The following ATXN10 variants were observed in gnomAD, a reference collection of about 807,000 sequenced individuals.
The protein encoded by ATXN10 is ataxin-10.
In ATXN10, 28 loss-of-function variants were observed where a neutral mutation model predicts 52.9. The ratio of observed to expected loss-of-function variants is 0.53; its 90% CI spans 0.39 to 0.73. The LOEUF (loss-of-function observed/expected upper bound fraction) is 0.73, where lower values mean the gene tolerates loss of function less well. ATXN10 is among the 30% of genes least tolerant of loss of function. ATXN10 has a pLI of 0.00. For synonymous variants in ATXN10, 226 were observed against 221.5 expected (o/e 1.02, Z -0.18); for missense variants, 565 against 577.0 (o/e 0.98, Z 0.21).
In ATXN10 at chr22:45,772,314, A is replaced by G. The variant is rs988809040; in HGVS notation, c.1173+31776A>G. On this transcript the variant is annotated intron_variant, in intron 9 of 11. Coordinates refer to ENST00000252934, the MANE Select transcript of ATXN10 (RefSeq NM_013236.4). The surrounding 1 kb of genome is among the most constrained non-coding windows in gnomAD (Gnocchi z 4.1). ...ATGGATGATGAATTATTCTAGCAGC[A>G]TTTGTTAAAAAGACTATCCTTTTTT... 6.6e-6 allele frequency among the ~76,000 whole-genome samples: 1 copy of G among 152,166 alleles called. No homozygotes were observed. Among genetic ancestry groups the G allele is most frequent in the Non-Finnish European group, 1.5e-5 (1 of 68,018 alleles).
chr22:45,820,640 G>A lies in ATXN10; in HGVS notation c.1237+13618G>A, dbSNP rs1311493888. ...AAAAATAAAGCTAACTTTTAGATGTGCTCACCTTTTCAACTCTTACCATTC... is the reference window on the plus strand; with the variant it reads ...AAAAATAAAGCTAACTTTTAGATGTACTCACCTTTTCAACTCTTACCATTC... On this transcript the variant is annotated intron_variant, in intron 10 of 11. Transcript: ENST00000252934. The surrounding 1 kb of genome is among the most constrained non-coding windows in gnomAD (Gnocchi z 4.9). Among the ~76,000 whole-genome samples, 1 of 152,178 alleles carries A rather than the reference G, an allele frequency of 6.6e-6. No homozygotes were observed. The highest frequency in any genetic ancestry group is 1.5e-5 in the Non-Finnish European group (1 of 68,030).
intron 6 of ATXN10, among the ~76,000 whole-genome samples, chr22:45,721,535 A>C (rs1033510722): frequency 6.6e-5 from 10 of 152,314 alleles, no homozygotes; most frequent in African/African-American, 2.4e-4. Context: ...ATACCACCTC[A>C]GTACCTCTGT....
chr22:45,806,203 G>T (rs192540913), intron 9 of ATXN10, among the ~76,000 whole-genome samples: 2 of 152,280 alleles, frequency 1.3e-5, no homozygotes, highest in East Asian at 3.9e-4. Context: ...CTGTTTCCTT[G>T]TGGCCTTACC....
intron 10 of ATXN10, among the ~76,000 whole-genome samples, chr22:45,839,162 C>T (rs1929264597): frequency 6.6e-6 from 1 of 152,176 alleles, no homozygotes; most frequent in South Asian, 2.1e-4. Flanking sequence ...ATTTCTGATT[C>T]TCAAGGCCGT....
At chr22:45,836,610 C>G (rs981338085) in intron 10 of ATXN10, among the ~76,000 whole-genome samples, 1 of 152,166 alleles carries the variant, frequency 6.6e-6, no homozygotes. Context: ...AATGAGGACT[C>G]CCCCCTGGGG....
chr22:45,832,587 C>G (rs910208436), intron 10 of ATXN10, among the ~76,000 whole-genome samples: 14 of 152,244 alleles, frequency 9.2e-5, no homozygotes, highest in Non-Finnish European at 5.9e-5. Flanking sequence ...AGGGACTGGA[C>G]TATCCTGTTA....
At chr22:45,689,440 T>C in intron 1 of ATXN10, 1 of 476,246 alleles carries the variant, frequency 2.1e-6, no homozygotes, top group South Asian at 2.2e-5. Context: ...TCTACTTCAC[T>C]TACCTTATCT....
chr22:45,723,250 C>T (rs976702991), intron 6 of ATXN10, among the ~76,000 whole-genome samples: 1 of 151,442 alleles, frequency 6.6e-6, no homozygotes, highest in African/African-American at 2.4e-5. Context: ...CATAAAATTT[C>T]AGTAGCTTTT....
At chr22:45,710,249 C>A (rs759364820) in intron 5 of ATXN10, among the ~76,000 whole-genome samples, 1 of 152,160 alleles carries the variant, frequency 6.6e-6, no homozygotes, top group Non-Finnish European at 1.5e-5. Flanking sequence ...TCCTTAGTTC[C>A]ATCTGGTCTT....
chr22:45,793,665 C>T (rs757443618), intron 9 of ATXN10: 7 of 1,421,936 alleles, frequency 4.9e-6, no homozygotes, highest in South Asian at 3.7e-5. Context: ...GCAGGTGCCA[C>T]AGCATCTCAA....
chr22:45,832,222 C>A (rs1048388067), intron 10 of ATXN10, among the ~76,000 whole-genome samples: 3 of 152,216 alleles, frequency 2.0e-5, no homozygotes, highest in African/African-American at 7.2e-5. Flanking sequence ...AAGCTCCTTA[C>A]CATAGCCTAA....
Position 45,817,435 on chromosome 22 carries a change from G to A in ATXN10, c.1237+10413G>A, listed in dbSNP as rs922881192. Among the ~76,000 whole-genome samples the A allele has an allele frequency of 3.4e-5, 5 of 145,616 alleles. No homozygotes were observed. The Admixed American group carries it at 3.6e-4, about 10-fold the overall frequency. ...CGCCTCCTGAGTTCAAGTGATTCTT[G>A]TGCTTCACCCTCTCTAGTAGCGGGA... On this transcript the variant is annotated intron_variant, in intron 10 of 11. Transcript: ENST00000252934.
At position 45,766,665 on chromosome 22, in the gene ATXN10, T is replaced by C. The variant is rs911747139; in HGVS notation, c.1173+26127T>C. ...AGTCTGGAAGCAATAAGAGAAAAGG[T>C]TGATAAATTTAAGTACATTTTTAAA... On this transcript the variant is annotated intron_variant, in intron 9 of 11. Transcript: ENST00000252934. This position sits in a 1 kb window ranked among gnomAD's most constrained non-coding sequence, Gnocchi z 4.6. 6.6e-6 allele frequency among the ~76,000 whole-genome samples: 1 copy of C among 150,498 alleles called. No individual in the cohort carries two copies. The highest frequency in any genetic ancestry group is 1.5e-5 in the Non-Finnish European group (1 of 68,012).
chr22:45,842,936 T>C lies in ATXN10; in HGVS notation c.1238-55T>C. The C allele has an allele frequency of 3.9e-6, 6 of 1,554,006 alleles. No homozygotes were observed. Among genetic ancestry groups the C allele is most frequent in the South Asian group, 1.1e-5 (1 of 89,532 alleles). On this transcript the variant is annotated intron_variant, in intron 10 of 11. Coordinates refer to ENST00000252934, the MANE Select transcript of ATXN10 (RefSeq NM_013236.4). This position sits in a 1 kb window ranked among gnomAD's most constrained non-coding sequence, Gnocchi z 4.8. ...TCTACTCCTTTTCTGATAATTCTTA[T>C]GTGAAGTTATCAAACAGGAAAGTAC...
intron 2 of ATXN10, 110 bp from the exon 3 acceptor site, chr22:45,692,886 T>A (rs1923439022): frequency 2.3e-6 from 2 of 875,510 alleles, no homozygotes; most frequent in Non-Finnish European, 3.8e-6. Context: ...TAATTTAGGC[T>A]TTGTAATCTC....
At position 45,770,665 on chromosome 22, in the gene ATXN10, T is replaced by C. The variant is rs577739597; in HGVS notation, c.1173+30127T>C. Among the ~76,000 whole-genome samples, 164 of 152,306 alleles carry C rather than the reference T, an allele frequency of 1.1e-3. No homozygotes were observed. In the Middle Eastern group the frequency reaches 0.031, roughly 28 times the overall value. On this transcript the variant is annotated intron_variant, in intron 9 of 11. Coordinates refer to ENST00000252934, the MANE Select transcript of ATXN10 (RefSeq NM_013236.4). The surrounding 1 kb of genome is among the most constrained non-coding windows in gnomAD (Gnocchi z 4.5). ...AGAGCCACTGATGGTTCTCGGCCTG[T>C]CTGAGGCAACAAACTTGTAAGCATG...
chr22:45,677,807 A>G lies in ATXN10; in HGVS notation c.116+5628A>G, dbSNP rs1922762015. 6.6e-6 allele frequency: 1 copy of G among 152,226 alleles called. No homozygotes were observed. The highest frequency in any genetic ancestry group is 1.5e-5 in the Non-Finnish European group (1 of 68,040). 9.4% of individuals were successfully genotyped at this position (152,226 alleles called of 1,614,324 possible). On this transcript the variant is annotated intron_variant, in intron 1 of 11. Coordinates refer to ENST00000252934, the MANE Select transcript of ATXN10 (RefSeq NM_013236.4). This position sits in a 1 kb window ranked among gnomAD's most constrained non-coding sequence, Gnocchi z 4.1. ...GATGGCTATTATCCAAAAAATGGAA[A>G]AGAACAAGTATCGTTGAGGATGTGG...
intron 3 of ATXN10, among the ~76,000 whole-genome samples, chr22:45,693,321 C>T (rs971926737): frequency 6.6e-6 from 1 of 152,152 alleles, no homozygotes; most frequent in East Asian, 1.9e-4. Context: ...AACAAAATGC[C>T]TTAGGCTGGG....
chr22:45,765,876 T>C (rs938349051), intron 9 of ATXN10, among the ~76,000 whole-genome samples: 8 of 152,104 alleles, frequency 5.3e-5, no homozygotes, highest in Non-Finnish European at 4.4e-5. Flanking sequence ...TTGAGCTAGA[T>C]TGATTCTAAA....
Sources: gnomAD v4.1 joint callset for allele counts (sites outside exome capture counted in the v4.1 genomes callset) on GRCh38, gnomAD v4.1.1 for gene constraint, Gnocchi (gnomAD v3.1) non-coding constraint, MANE v1.5 for transcripts, NCBI Gene and HGNC (gene_info 2026-07-23, HGNC 2026-07-21) for gene names.